Variants in UQCRC2 observed in about 807,000 individuals in gnomAD.
The protein encoded by UQCRC2 is cytochrome b-c1 complex subunit 2, mitochondrial.
Under a neutral mutation model 55.6 loss-of-function variants are expected in UQCRC2, and 49 were observed. The ratio of observed to expected loss-of-function variants is 0.88; its 90% CI spans 0.70 to 1.12. UQCRC2 has a LOEUF of 1.12. Among genes scored for constraint, UQCRC2 ranks in the 50% most tolerant of loss-of-function variants. The pLI, the probability that UQCRC2 is intolerant of heterozygous loss-of-function variation, is 0.00. For synonymous variants in UQCRC2, 193 were observed against 192.0 expected (o/e 1.01, Z -0.04); for missense variants, 506 against 547.8 (o/e 0.92, Z 0.76).
intron 10 of UQCRC2, among the ~76,000 whole-genome samples, chr16:21,973,352 G>A (rs1041228482): frequency 6.6e-5 from 10 of 152,088 alleles, no homozygotes; most frequent in African/African-American, 2.4e-4. Flanking sequence ...TGCAAATCGG[G>A]TTCACCCTAG....
chr16:21,973,825 G>A (rs1266055232), intron 10 of UQCRC2, 71 bp from the exon 11 acceptor site: 3 of 1,449,522 alleles, frequency 2.1e-6, no homozygotes, highest in East Asian at 4.6e-5. Flanking sequence ...TTTTTTCTAG[G>A]CAAACTTAAA....
At chr16:21,956,138 T>C (rs889669235) in intron 1 of UQCRC2, among the ~76,000 whole-genome samples, 1 of 152,216 alleles carries the variant, frequency 6.6e-6, no homozygotes, top group Admixed American at 6.5e-5. Flanking sequence ...TTGTCTTTTT[T>C]AAAGGTTACT....
Position 21,983,361 on chromosome 16 carries a change from G to A in UQCRC2, c.*190G>A, listed in dbSNP as rs143049271. 29 of 532,310 alleles carry A rather than the reference G, an allele frequency of 5.4e-5. No homozygotes were observed. The highest frequency in any genetic ancestry group is 3.5e-4 in the African/African-American group (18 of 51,064). 33.0% of individuals were successfully genotyped at this position (532,310 alleles called of 1,614,324 possible). A position where few individuals can be genotyped will look rare whatever the true frequency, so the allele number is the denominator to read the frequency against. On this transcript the variant is annotated 3_prime_UTR_variant, in exon 14 of 14. Coordinates refer to ENST00000268379, the MANE Select transcript of UQCRC2 (RefSeq NM_003366.4). The stretch of plus-strand genomic sequence containing the variant: ...CATTCTGTTTAAGTGTTTTTCTTAC[G>A]TTTTTCTCAATGAGTTAATCAACAA...
chr16:21,971,246 A>G (rs1567475993), intron 8 of UQCRC2, among the ~76,000 whole-genome samples: 1 of 152,268 alleles, frequency 6.6e-6, no homozygotes, highest in East Asian at 1.9e-4. Context: ...GTTAGAAACA[A>G]TATCAATAGA....
In UQCRC2 at chr16:21,953,381, C is replaced by G; in HGVS notation, c.-43C>G. On this transcript the variant is annotated 5_prime_UTR_variant, in exon 1 of 14. Transcript: ENST00000268379. ...CCGGCCTCCGCCACCATCTTGCTTTCCTTTAATCCGGCAGTGACCGTGTGT... is the reference window on the plus strand; with the variant it reads ...CCGGCCTCCGCCACCATCTTGCTTTGCTTTAATCCGGCAGTGACCGTGTGT... 6.2e-7 allele frequency: 1 copy of G among 1,608,738 alleles called. No individual in the cohort carries two copies. Among genetic ancestry groups the G allele is most frequent in the Non-Finnish European group, 8.5e-7 (1 of 1,177,780 alleles).
rs759185315 is a variant in UQCRC2, at chr16:21,980,592, G to A, written c.1170G>A (p.Glu390=). 11 of 1,614,200 alleles carry A rather than the reference G, an allele frequency of 6.8e-6. No individual in the cohort carries two copies. Among genetic ancestry groups the A allele is most frequent in the Non-Finnish European group, 9.3e-6 (11 of 1,180,038 alleles). ...ACCTAATGTCAGTGGAGTCTTCTGA[G>A]TGTTTCCTGGAAGAAGTCGGGTCCC... ...AGYLMSVESS[E]CFLEEVGSQA... Residue 390 remains glutamate (E), a synonymous_variant, in exon 13 of 14, where the codon GAG becomes GAA. Coordinates refer to ENST00000268379, the MANE Select transcript of UQCRC2 (RefSeq NM_003366.4).
rs1481004614 is a variant in UQCRC2 at position 21,980,839 on chromosome 16, G to T, written c.1278+139G>T. On this transcript the variant is annotated intron_variant, in intron 13 of 13. Transcript: ENST00000268379. ...CATCTACTTAATGTGGAGGCAGGAG[G>T]GCTCATTCCCATAAGATCCGCAACA... 1.4e-5 allele frequency: 14 copies of T among 977,670 alleles called. No homozygotes were observed. In the African/African-American group the frequency reaches 1.5e-4, roughly 10 times the overall value. The allele number at this position is 977,670 out of a possible 1,614,324, so 60.6% of individuals were successfully genotyped here.
intron 4 of UQCRC2, among the ~76,000 whole-genome samples, chr16:21,960,181 T>G (rs1221585550): frequency 6.6e-6 from 1 of 152,216 alleles, no homozygotes; most frequent in East Asian, 1.9e-4. Context: ...TTTGTCAGCA[T>G]TGAAAATCTG....
Position 21,965,481 on chromosome 16 carries a change from G to C in UQCRC2, c.588G>C (p.Arg196Ser), listed in dbSNP as rs1165340854. The C allele has an allele frequency of 6.2e-7, 1 of 1,606,948 alleles. No homozygotes were observed. Among genetic ancestry groups the C allele is most frequent in the Non-Finnish European group, 8.5e-7 (1 of 1,177,934 alleles). The change falls in exon 7 of 14, where the codon AGG (arginine) becomes AGC (serine). Residue 196 changes from arginine to serine, a missense_variant. Arg to Ser is a moderately radical substitution (Grantham distance 110). Transcript: ENST00000268379. ...ATCCCTTGTATTGTCCTGACTATAG[G>C]ATTGGAAAAGTGACATCAGAGGAGG... ...LANPLYCPDY[R>S]IGKVTSEELH...
chr16:21,967,391 A>G (rs1396375422), intron 7 of UQCRC2, among the ~76,000 whole-genome samples: 1 of 151,972 alleles, frequency 6.6e-6, no homozygotes, highest in Non-Finnish European at 1.5e-5. Context: ...TACCACAGAT[A>G]GAGTTTATGT....
chr16:21,962,293 A>G, intron 4 of UQCRC2, 167 bp from the exon 5 acceptor site: 1 of 745,144 alleles, frequency 1.3e-6, no homozygotes, highest in South Asian at 2.0e-5. Flanking sequence ...GTTTTTAAAA[A>G]AATTTTGAAT....
Position 21,957,556 on chromosome 16 carries a change from C to G in UQCRC2, c.257C>G (p.Thr86Arg). The change falls in exon 3 of 14, where the codon ACA (threonine) becomes AGA (arginine). Residue 86 changes from threonine to arginine, a missense_variant. Transcript: ENST00000268379. ...GGAACCACCCATTTGCTGCGTCTTACATCCAGTCTGGTGAGTATCTTCACT... is the reference window on the plus strand; with the variant it reads ...GGAACCACCCATTTGCTGCGTCTTAGATCCAGTCTGGTGAGTATCTTCACT... ...NLGTTHLLRLTSSLTTKGASS... is the reference protein window; with the variant it reads ...NLGTTHLLRLRSSLTTKGASS... 1.2e-6 allele frequency: 2 copies of G among 1,614,118 alleles called. No homozygotes were observed. The highest frequency in any genetic ancestry group is 1.7e-6 in the Non-Finnish European group (2 of 1,180,000).
chr16:21,976,280 TATTTG>T (rs754434819), intron 12 of UQCRC2, 37 bp downstream of exon 12: 1 of 1,508,352 alleles, frequency 6.6e-7, no homozygotes, highest in Non-Finnish European at 9.2e-7. Context: ...ATGTTTTTGT[TATTTG>T]AAAGTTGTAT....
At chr16:21,980,137 C>A (rs1041471729) in intron 12 of UQCRC2, 6 of 179,752 alleles carry the variant, frequency 3.3e-5, no homozygotes, top group Non-Finnish European at 7.2e-5. Context: ...GCAGAGAGAT[C>A]TTCCTCACTG....
intron 6 of UQCRC2, 112 bp downstream of exon 6, chr16:21,962,997 T>G (rs1597954848): frequency 1.5e-6 from 2 of 1,338,666 alleles, no homozygotes; most frequent in South Asian, 3.2e-5. Flanking sequence ...TTTTATTTAT[T>G]TATTGTTTTG....
chr16:21,968,630 A>G lies in UQCRC2; in HGVS notation c.615A>G (p.Leu205=). Residue 205 remains leucine (L), a splice_region_variant and synonymous_variant, in exon 8 of 14, where the codon TTA becomes TTG. Coordinates refer to ENST00000268379, the MANE Select transcript of UQCRC2 (RefSeq NM_003366.4). ...ATAAGTGTTTTTAACTTCCTCAGTTACATTACTTCGTTCAGAACCATTTCA... is the reference window on the plus strand; with the variant it reads ...ATAAGTGTTTTTAACTTCCTCAGTTGCATTACTTCGTTCAGAACCATTTCA... ...YRIGKVTSEE[L]HYFVQNHFTS... is the part of the protein sequence containing the mutation. 6.2e-7 allele frequency: 1 copy of G among 1,607,064 alleles called. No individual in the cohort carries two copies. The highest frequency in any genetic ancestry group is 8.5e-7 in the Non-Finnish European group (1 of 1,176,722).
Position 21,976,195 on chromosome 16 carries a change from A to C in UQCRC2, c.1076A>C (p.Lys359Thr). 4 of 1,614,028 alleles carry C rather than the reference A, an allele frequency of 2.5e-6. No homozygotes were observed. The highest frequency in any genetic ancestry group is 3.4e-6 in the Non-Finnish European group (4 of 1,179,938). Residue 359 changes from lysine (K) to threonine (T), a missense_variant, in exon 12 of 14, where the codon AAA (lysine) becomes ACA (threonine). Coordinates refer to ENST00000268379, the MANE Select transcript of UQCRC2 (RefSeq NM_003366.4). ...ATCAAGGCTGCCTATAATCAAGTAA[A>C]AACAATAGCTCAAGGAAACCTTTCC... is the stretch of plus-strand genomic sequence containing the variant. ...DVIKAAYNQV[K>T]TIAQGNLSNT... is the part of the protein sequence containing the mutation.
At chr16:21,961,664 A>ATATATATATATATT (rs1261737606) in intron 4 of UQCRC2, among the ~76,000 whole-genome samples, 1 of 103,986 alleles carries the variant, frequency 9.6e-6, no homozygotes, top group East Asian at 3.3e-4. Flanking sequence ...ATATATATAT[A>ATATATATATATATT]TATATTTTAG....
intron 11 of UQCRC2, among the ~76,000 whole-genome samples, chr16:21,974,776 G>A (rs1319944548): frequency 3.3e-5 from 5 of 152,156 alleles, no homozygotes; most frequent in Admixed American, 3.3e-4. Flanking sequence ...ATTATAAATG[G>A]CTCAAGTCTG....
Sources: allele counts gnomAD v4.1 joint callset (sites outside exome capture counted in the v4.1 genomes callset), GRCh38; gene constraint gnomAD v4.1.1; transcripts MANE v1.5; gene names NCBI Gene and HGNC (gene_info 2026-07-23, HGNC 2026-07-21).